RBFOX1: variants seen among roughly 807,000 people sequenced by gnomAD.
RBFOX1 encodes the protein RNA binding fox-1 homolog 1.
A neutral mutation model predicts 57.7 loss-of-function variants in RBFOX1; 8 were observed. The ratio of observed to expected loss-of-function variants is 0.14; its 90% CI spans 0.08 to 0.25. RBFOX1 has a LOEUF of 0.25. RBFOX1 is among the 10% of genes least tolerant of loss of function. The pLI is 1.00. For missense variants in RBFOX1, 611 were observed against 548.5 expected, an observed-to-expected ratio of 1.11 and a Z score of -1.14; for synonymous variants, 326 against 222.4, an observed-to-expected ratio of 1.47 and a Z score of -4.15.
At chr16:6,936,102 C>G (rs557671010) in intron 3 of RBFOX1, among the ~76,000 whole-genome samples, 1 of 152,280 alleles carries the variant, frequency 6.6e-6, no homozygotes, top group Admixed American at 6.5e-5. Flanking sequence ...CTGAGGTTCA[C>G]TTTTTGCTCC....
intron 4 of RBFOX1, among the ~76,000 whole-genome samples, chr16:7,441,420 G>T (rs1194066934): frequency 1.3e-5 from 2 of 152,154 alleles, no homozygotes; most frequent in Non-Finnish European, 2.9e-5. Context: ...TGTTGCCTAA[G>T]CCTCCCATTA....
At chr16:6,125,047 C>T (rs1452106329) in intron 1 of RBFOX1, among the ~76,000 whole-genome samples, 1 of 152,082 alleles carries the variant, frequency 6.6e-6, no homozygotes. Context: ...AATGACATCA[C>T]CTAGACAAGT....
At chr16:7,447,200 G>A (rs2098815501) in intron 4 of RBFOX1, among the ~76,000 whole-genome samples, 2 of 151,920 alleles carry the variant, frequency 1.3e-5, no homozygotes, top group African/African-American at 4.8e-5. Flanking sequence ...GGGAGGCCAA[G>A]GCTGGCAGAT....
intron 4 of RBFOX1, among the ~76,000 whole-genome samples, chr16:7,122,139 C>T (rs965001553): frequency 4.6e-5 from 7 of 151,950 alleles, no homozygotes; most frequent in African/African-American, 1.4e-4. Context: ...ATCTCACCTC[C>T]CCAAAAAGGT....
At chr16:7,082,101 C>G (rs137983104) in intron 4 of RBFOX1, among the ~76,000 whole-genome samples, 1 of 152,164 alleles carries the variant, frequency 6.6e-6, no homozygotes, top group Non-Finnish European at 1.5e-5. Context: ...TCTGGGAGAA[C>G]CACTCTGGAG....
intron 3 of RBFOX1, among the ~76,000 whole-genome samples, chr16:7,029,127 C>T (rs1056812565): frequency 1.0e-4 from 6 of 59,638 alleles, no homozygotes; most frequent in Admixed American, 3.9e-4. Context: ...CACACATATA[C>T]GTATATATAT....
chr16:6,423,586 G>C (rs2093835894), intron 2 of RBFOX1, among the ~76,000 whole-genome samples: 1 of 152,176 alleles, frequency 6.6e-6, no homozygotes, highest in African/African-American at 2.4e-5. Flanking sequence ...CTGGGTGACA[G>C]ACTGAGACTC....
Position 7,195,448 on chromosome 16 carries a change from C to G in RBFOX1, c.27+143350C>G, listed in dbSNP as rs561862938. ...CACGACCTGGGCAGGTGGCTGTCCT[C>G]TAATATTGGCAAGGCAAAACAGAAC... On this transcript the variant is annotated intron_variant, in intron 4 of 15. Coordinates refer to ENST00000550418, the MANE Select transcript of RBFOX1 (RefSeq NM_018723.4). Among the ~76,000 whole-genome samples, 9 of 152,272 alleles carry G rather than the reference C, an allele frequency of 5.9e-5. No individual in the cohort carries two copies. The South Asian group carries it at 1.9e-3, about 32-fold the overall frequency.
intron 2 of RBFOX1, among the ~76,000 whole-genome samples, chr16:5,588,894 G>T (rs1486198883): frequency 1.3e-5 from 2 of 152,152 alleles, no homozygotes; most frequent in South Asian, 4.1e-4. Flanking sequence ...GGTACAATTG[G>T]GTGGTTGATT....
chr16:7,484,236 C>A (rs921626919), intron 4 of RBFOX1, among the ~76,000 whole-genome samples: 1 of 152,238 alleles, frequency 6.6e-6, no homozygotes, highest in South Asian at 2.1e-4. Context: ...ATCCATTCAC[C>A]AGACCAATTA....
rs12596912 is a variant in RBFOX1 at position 5,650,593 on chromosome 16, T to C, written c.318+51632T>C. 0.014 allele frequency among the ~76,000 whole-genome samples: 2,194 copies of C among 152,290 alleles called. 133 individuals carry two copies. The East Asian group carries it at 0.19, about 13-fold the overall frequency. On this transcript the variant is annotated intron_variant, in intron 3 of 19. Coordinates refer to the RBFOX1 transcript ENST00000641259. Reference sequence around the variant, plus strand: ...ATGCTAATCCCCTGGGAAATGATTTTTAAGCAAAACTGCCTTAGTTCTGCC... The same window carrying C: ...ATGCTAATCCCCTGGGAAATGATTTCTAAGCAAAACTGCCTTAGTTCTGCC...
intron 3 of RBFOX1, among the ~76,000 whole-genome samples, chr16:6,783,575 G>C (rs1340356151): frequency 1.3e-5 from 2 of 151,832 alleles, no homozygotes; most frequent in African/African-American, 2.4e-5. Context: ...CTGACTTTTT[G>C]CTATCTCTGT....
At chr16:5,427,583 T>TCAAAACAAAACAAAA (rs4039609) in intron 1 of RBFOX1, among the ~76,000 whole-genome samples, 25 of 148,734 alleles carry the variant, frequency 1.7e-4, no homozygotes, top group South Asian at 4.4e-4. Flanking sequence ...AGACTCTGTC[T>TCAAAACAAAACAAAA]CAAAACAAAA....
intron 2 of RBFOX1, among the ~76,000 whole-genome samples, chr16:6,590,628 G>C (rs1402424268): frequency 6.6e-6 from 1 of 152,138 alleles, no homozygotes; most frequent in Non-Finnish European, 1.5e-5. Context: ...TGGCTTCATG[G>C]GGCCTAGCTG....
intron 3 of RBFOX1, among the ~76,000 whole-genome samples, chr16:6,789,578 A>G (rs1276104617): frequency 6.6e-6 from 1 of 152,200 alleles, no homozygotes; most frequent in East Asian, 1.9e-4. Context: ...GTATCCATAG[A>G]CAGTGGGGAC....
intron 3 of RBFOX1, among the ~76,000 whole-genome samples, chr16:6,702,568 A>G (rs1298336292): frequency 4.6e-5 from 7 of 152,072 alleles, no homozygotes; most frequent in Non-Finnish European, 1.0e-4. Context: ...AAAAAAAACA[A>G]AAATCCAAAT....
chr16:7,546,453 GGT>G (rs1412683402), intron 5 of RBFOX1, among the ~76,000 whole-genome samples: 4 of 152,118 alleles, frequency 2.6e-5, no homozygotes, highest in Non-Finnish European at 5.9e-5. Flanking sequence ...AATCCCTTAT[GGT>G]GTGCTTAAAC....
chr16:5,447,920 C>T (rs574461207), intron 1 of RBFOX1, among the ~76,000 whole-genome samples: 1 of 152,296 alleles, frequency 6.6e-6, no homozygotes, highest in East Asian at 1.9e-4. Context: ...TGGCCTTTTC[C>T]CACTCATTCT....
intron 1 of RBFOX1, among the ~76,000 whole-genome samples, chr16:6,146,123 C>A (rs2096756267): frequency 6.6e-6 from 1 of 152,086 alleles, no homozygotes; most frequent in South Asian, 2.1e-4. Flanking sequence ...CCTTTCTGAC[C>A]CTTTATATCA....
Sources: allele counts gnomAD v4.1 joint callset (sites outside exome capture counted in the v4.1 genomes callset), GRCh38; gene constraint gnomAD v4.1.1; transcripts MANE v1.5; gene names NCBI Gene and HGNC (gene_info 2026-07-23, HGNC 2026-07-21).